NAGA: variants seen among roughly 807,000 people sequenced by gnomAD.
NAGA encodes the protein Acetylgalactosaminidase, alpha-N- (alpha-galactosidase B).
Under a neutral mutation model 45.6 loss-of-function variants are expected in NAGA, and 42 were observed. The observed-to-expected ratio is 0.92, with a 90% CI of 0.72 to 1.19. The LOEUF (loss-of-function observed/expected upper bound fraction) is 1.19, where lower values mean the gene tolerates loss of function less well. Among genes scored for constraint, NAGA ranks in the 50% most tolerant of loss-of-function variants. The pLI, the probability that NAGA is intolerant of heterozygous loss-of-function variation, is 0.00. For synonymous variants in NAGA, 176 were observed against 203.1 expected (o/e 0.87, Z 1.13); for missense variants, 493 against 544.8 (o/e 0.90, Z 0.95).
intron 1 of NAGA, among the ~76,000 whole-genome samples, chr22:42,068,956 G>C (rs1926901613): frequency 6.6e-6 from 1 of 152,146 alleles, no homozygotes; most frequent in Non-Finnish European, 1.5e-5. Context: ...TAAGCCCAGT[G>C]TAAGTTGAAA....
chr22:42,061,213 C>T, intron 7 of NAGA, 146 bp from the exon 8 acceptor site: 3 of 1,015,882 alleles, frequency 3.0e-6, no homozygotes, highest in Non-Finnish European at 4.5e-6. Context: ...GCCTCCAGCA[C>T]CCCAGCTTAT....
In NAGA at chr22:42,070,663, G is replaced by A; in HGVS notation, c.-366C>T. 2.7e-6 allele frequency: 1 copy of A among 366,962 alleles called. No individual in the cohort carries two copies. The highest frequency in any genetic ancestry group is 2.7e-5 in the South Asian group (1 of 37,152). 22.7% of individuals were successfully genotyped at this position (366,962 alleles called of 1,614,324 possible). On this transcript the variant is annotated 5_prime_UTR_variant, in exon 1 of 9. Coordinates refer to ENST00000396398, the MANE Select transcript of NAGA (RefSeq NM_000262.3). Reference sequence around the variant, plus strand: ...TTAAGGTCACCAAGAAAGAGCGGAGGGGCGGGGCTGCGGCCAGGCTCCGGA... The same window carrying A: ...TTAAGGTCACCAAGAAAGAGCGGAGAGGCGGGGCTGCGGCCAGGCTCCGGA...
In NAGA at chr22:42,059,606, C is replaced by T. The variant is rs921756741; in HGVS notation, c.*673G>A. The T allele has an allele frequency of 6.5e-6, 1 of 153,456 alleles. No individual in the cohort carries two copies. The highest frequency in any genetic ancestry group is 1.5e-5 in the Non-Finnish European group (1 of 68,944). The allele number at this position is 153,456 out of a possible 1,614,324, so 9.5% of individuals were successfully genotyped here. On this transcript the variant is annotated 3_prime_UTR_variant, in exon 9 of 9. Coordinates refer to ENST00000396398, the MANE Select transcript of NAGA (RefSeq NM_000262.3). Reference sequence around the variant, plus strand: ...GGCAGCTCCTGGGTGTGAGGCAAGTCTGGCATCTCTAGGAAGTACAATCTT... The same window carrying T: ...GGCAGCTCCTGGGTGTGAGGCAAGTTTGGCATCTCTAGGAAGTACAATCTT...
chr22:42,059,460 G>C lies in NAGA; in HGVS notation c.*819C>G, dbSNP rs1488994276. On this transcript the variant is annotated 3_prime_UTR_variant, in exon 9 of 9. Coordinates refer to ENST00000396398, the MANE Select transcript of NAGA (RefSeq NM_000262.3). ...GTGGAGCCACCAGAGAGAAGAGCAG[G>C]CTGAGGTGCTGGGCCAGGGGCACTG... The C allele has an allele frequency of 6.5e-6, 1 of 152,770 alleles. No individual in the cohort carries two copies. The highest frequency in any genetic ancestry group is 2.4e-5 in the African/African-American group (1 of 41,444). 9.5% of individuals were successfully genotyped at this position (152,770 alleles called of 1,614,324 possible). A position where few individuals can be genotyped will look rare whatever the true frequency, so the allele number is the denominator to read the frequency against.
chr22:42,063,650 C>A (rs1359227308), intron 6 of NAGA, among the ~76,000 whole-genome samples: 1 of 152,256 alleles, frequency 6.6e-6, no homozygotes, highest in Non-Finnish European at 1.5e-5. Context: ...TATCACGACC[C>A]TTTCACATGG....
rs1267059563 is a variant in NAGA, at chr22:42,059,969, C to T, written c.*310G>A. ...CTGATTTCAGAGTCAACAGCAAGGT[C>T]AGAGGCTAGAGTCCTGATGGGCATG... On this transcript the variant is annotated 3_prime_UTR_variant, in exon 9 of 9. Transcript: ENST00000396398. The T allele has an allele frequency of 4.9e-6, 2 of 405,390 alleles. No homozygotes were observed. Among genetic ancestry groups the T allele is most frequent in the East Asian group, 1.1e-4 (2 of 18,624 alleles). 25.1% of individuals were successfully genotyped at this position (405,390 alleles called of 1,614,324 possible). A position where few individuals can be genotyped will look rare whatever the true frequency, so the allele number is the denominator to read the frequency against.
Position 42,067,711 on chromosome 22 carries a change from G to A in NAGA, c.324+54C>T. 5 of 1,497,400 alleles carry A rather than the reference G, an allele frequency of 3.3e-6. 1 individual carries two copies. In the South Asian group the frequency reaches 5.7e-5, roughly 17 times the overall value. 92.8% of individuals were successfully genotyped at this position (1,497,400 alleles called of 1,614,324 possible). On this transcript the variant is annotated intron_variant, in intron 3 of 8. Coordinates refer to ENST00000396398, the MANE Select transcript of NAGA (RefSeq NM_000262.3). Reference sequence around the variant, plus strand: ...GTAAGTGAGCCCTAAGCGAGGTAGGGTGAAAGGAGTGGTCTAGCCCTGAGG... The same window carrying A: ...GTAAGTGAGCCCTAAGCGAGGTAGGATGAAAGGAGTGGTCTAGCCCTGAGG...
At position 42,063,000 on chromosome 22, in the gene NAGA, T is replaced by C; in HGVS notation, c.784A>G (p.Ser262Gly). Reference sequence around the variant, plus strand: ...ATCTGGGCCCGGGATTGCTCTAAGCTGAGACCAAAGTTCCCAATGAGCAGC... The same window carrying C: ...ATCTGGGCCCGGGATTGCTCTAAGCCGAGACCAAAGTTCCCAATGAGCAGC... The part of the protein sequence containing the change: ...DMLLIGNFGL[S>G]LEQSRAQMAL... Residue 262 changes from serine to glycine, a missense_variant, in exon 7 of 9, where the codon AGC (serine) becomes GGC (glycine). Physicochemically the swap from Ser to Gly is moderately conservative, Grantham distance 56. Coordinates refer to ENST00000396398, the MANE Select transcript of NAGA (RefSeq NM_000262.3). 3 of 1,614,188 alleles carry C rather than the reference T, an allele frequency of 1.9e-6. No homozygotes were observed. The highest frequency in any genetic ancestry group is 2.5e-6 in the Non-Finnish European group (3 of 1,180,036).
intron 4 of NAGA, 109 bp downstream of exon 4, chr22:42,067,001 CCCT>C: frequency 6.5e-7 from 1 of 1,534,850 alleles, no homozygotes; most frequent in Non-Finnish European, 9.0e-7. Context: ...GCCACAATCC[CCCT>C]AACCCCTGGG....
rs371046576 is a variant in NAGA, at chr22:42,065,911, G to C, written c.598-12C>G. On this transcript the variant is annotated splice_polypyrimidine_tract_variant and intron_variant, in intron 5 of 8. Transcript: ENST00000396398. The stretch of plus-strand genomic sequence containing the variant: ...AGACTGTAGTTCACCTGGATGTCGA[G>C]GGGAAGGCAGAGTCCAGCACCAGAA... 2 of 1,613,530 alleles carry C rather than the reference G, an allele frequency of 1.2e-6. No homozygotes were observed. The highest frequency in any genetic ancestry group is 1.7e-6 in the Non-Finnish European group (2 of 1,179,708).
At chr22:42,065,043 A>G (rs946643980) in intron 6 of NAGA, among the ~76,000 whole-genome samples, 7 of 152,206 alleles carry the variant, frequency 4.6e-5, no homozygotes, top group African/African-American at 1.2e-4. Context: ...TTATTTTCCA[A>G]TTGACAAAAC....
At chr22:42,062,196 G>A (rs1926444408) in intron 7 of NAGA, among the ~76,000 whole-genome samples, 1 of 151,976 alleles carries the variant, frequency 6.6e-6, no homozygotes, top group South Asian at 2.1e-4. Context: ...TCTCCTGGCC[G>A]AGTGCGGTGG....
chr22:42,068,667 A>C, intron 1 of NAGA, 93 bp from the exon 2 acceptor site: 1 of 1,524,740 alleles, frequency 6.6e-7, no homozygotes. Flanking sequence ...TCAGCCCTAC[A>C]GAGGCTGCCT....
In NAGA at chr22:42,070,571, T is replaced by C. The variant is rs1926992887; in HGVS notation, c.-274A>G. 6.9e-6 allele frequency: 4 copies of C among 577,896 alleles called. No individual in the cohort carries two copies. Among genetic ancestry groups the C allele is most frequent in the South Asian group, 5.9e-5 (3 of 50,888 alleles). 35.8% of individuals were successfully genotyped at this position (577,896 alleles called of 1,614,324 possible). A position where few individuals can be genotyped will look rare whatever the true frequency, so the allele number is the denominator to read the frequency against. On this transcript the variant is annotated 5_prime_UTR_variant, in exon 1 of 9. Coordinates refer to ENST00000396398, the MANE Select transcript of NAGA (RefSeq NM_000262.3). ...TCAGACCTCACACCCTCTGCAGTGCTGGGAGTCCCGAGGGCCTACGGGCCG... is the reference window on the plus strand; with the variant it reads ...TCAGACCTCACACCCTCTGCAGTGCCGGGAGTCCCGAGGGCCTACGGGCCG...
chr22:42,064,519 C>T (rs577309366), intron 6 of NAGA, among the ~76,000 whole-genome samples: 3 of 149,948 alleles, frequency 2.0e-5, no homozygotes, highest in Non-Finnish European at 4.4e-5. Context: ...ATAGCAGGCG[C>T]CTGTAATCCC....
chr22:42,061,904 A>G (rs951658449), intron 7 of NAGA, among the ~76,000 whole-genome samples: 3 of 134,312 alleles, frequency 2.2e-5, no homozygotes, highest in African/African-American at 8.4e-5. Context: ...GTGAGCTGAG[A>G]TGGTGCCACT....
chr22:42,060,854 C>A, intron 8 of NAGA, 70 bp downstream of exon 8: 1 of 1,605,664 alleles, frequency 6.2e-7, no homozygotes, highest in Non-Finnish European at 8.5e-7. Context: ...TGTGAACAAC[C>A]ACCCCCCATA....
At chr22:42,068,714 G>A (rs1325952297) in intron 1 of NAGA, 140 bp from the exon 2 acceptor site, 1 of 1,231,938 alleles carries the variant, frequency 8.1e-7, no homozygotes, top group East Asian at 2.6e-5. Flanking sequence ...CTGGGTTTAG[G>A]GTAGAATTGG....
chr22:42,062,745 G>A (rs2146837283), intron 7 of NAGA, 82 bp downstream of exon 7: 1 of 1,500,002 alleles, frequency 6.7e-7, no homozygotes, highest in Middle Eastern at 1.7e-4. Flanking sequence ...GCCAGGTGTT[G>A]CCCCCAGGGA....
Sources: gnomAD v4.1 joint callset for allele counts (sites outside exome capture counted in the v4.1 genomes callset) on GRCh38, gnomAD v4.1.1 for gene constraint, MANE v1.5 for transcripts, NCBI Gene and HGNC (gene_info 2026-07-23, HGNC 2026-07-21) for gene names.